The following THSD7A variants were observed in gnomAD, a reference collection of about 807,000 sequenced individuals.
THSD7A encodes thrombospondin type-1 domain-containing protein 7A.
In THSD7A, 96 loss-of-function variants were observed where a neutral mutation model predicts 231.3. The ratio of observed to expected loss-of-function variants is 0.41; its 90% CI spans 0.35 to 0.49. The LOEUF is 0.49. THSD7A is among the 20% of genes least tolerant of loss of function. THSD7A has a pLI of 0.05. For synonymous variants in THSD7A, 940 were observed against 743.3 expected, an observed-to-expected ratio of 1.26 and a Z score of -4.30; for missense variants, 2,290 against 2,070.2, an observed-to-expected ratio of 1.11 and a Z score of -2.06.
chr7:11,674,605 A>T (rs936194722), intron 1 of THSD7A, among the ~76,000 whole-genome samples: 3 of 152,180 alleles, frequency 2.0e-5, no homozygotes, highest in Admixed American at 2.0e-4. Context: ...CCCTCTGAAG[A>T]CACAAAGACA....
At chr7:11,546,226 A>ACACACG (rs1554335305) in intron 4 of THSD7A, among the ~76,000 whole-genome samples, 9 of 150,774 alleles carry the variant, frequency 6.0e-5, no homozygotes, top group Admixed American at 2.6e-4. Context: ...ACACACACAC[A>ACACACG]CACACGTGGA....
intron 1 of THSD7A, among the ~76,000 whole-genome samples, chr7:11,653,456 G>A (rs950610304): frequency 9.7e-6 from 1 of 103,260 alleles, no homozygotes; most frequent in African/African-American, 4.0e-5. Flanking sequence ...ATATGTGTGT[G>A]TGTGTGTGTG....
intron 9 of THSD7A, among the ~76,000 whole-genome samples, chr7:11,462,458 CTAAT>C (rs1785541960): frequency 1.3e-5 from 2 of 152,254 alleles, no homozygotes; most frequent in South Asian, 4.1e-4. Context: ...TATGACAGAT[CTAAT>C]TAATTTATTT....
chr7:11,640,521 C>G (rs1308778329), intron 1 of THSD7A, among the ~76,000 whole-genome samples: 1 of 151,996 alleles, frequency 6.6e-6, no homozygotes, highest in Non-Finnish European at 1.5e-5. Flanking sequence ...ACCTTGAGAA[C>G]CTCTAATTTC....
At chr7:11,769,137 A>ATTTTT (rs1313840996) in intron 1 of THSD7A, among the ~76,000 whole-genome samples, 1 of 36,636 alleles carries the variant, frequency 2.7e-5, no homozygotes, top group East Asian at 4.9e-4. Context: ...ATATATATAT[A>ATTTTT]TATATATATA....
intron 16 of THSD7A, among the ~76,000 whole-genome samples, chr7:11,422,598 C>CAA (rs5882308): frequency 0.056 from 5,491 of 97,760 alleles, 227 homozygotes; most frequent in African/African-American, 0.11. Flanking sequence ...ATTTACAAAG[C>CAA]AAAAAAAAAA....
At chr7:11,551,233 T>G (rs1426508033) in intron 4 of THSD7A, among the ~76,000 whole-genome samples, 1 of 151,910 alleles carries the variant, frequency 6.6e-6, no homozygotes, top group Non-Finnish European at 1.5e-5. Context: ...TCTAATACTA[T>G]AAAACTCTAG....
At chr7:11,467,606 T>G (rs1228528975) in intron 9 of THSD7A, among the ~76,000 whole-genome samples, 7 of 152,180 alleles carry the variant, frequency 4.6e-5, no homozygotes, top group African/African-American at 1.7e-4. Context: ...AAGTGCTTTA[T>G]GTGAGTTATC....
At chr7:11,396,249 G>C (rs1396940745) in intron 23 of THSD7A, among the ~76,000 whole-genome samples, 2 of 152,070 alleles carry the variant, frequency 1.3e-5, no homozygotes, top group Non-Finnish European at 2.9e-5. Context: ...AGAGAAGCAA[G>C]AGTAAATTCA....
At chr7:11,608,513 A>G (rs900675025) in intron 2 of THSD7A, among the ~76,000 whole-genome samples, 2 of 152,186 alleles carry the variant, frequency 1.3e-5, no homozygotes, top group African/African-American at 4.8e-5. Flanking sequence ...ATTGGGTTAC[A>G]TTAACGTTCA....
intron 1 of THSD7A, among the ~76,000 whole-genome samples, chr7:11,818,196 T>C (rs919051555): frequency 2.0e-5 from 3 of 152,226 alleles, no homozygotes; most frequent in African/African-American, 7.2e-5. Context: ...GCTAGCGCTA[T>C]AATAGCCCAA....
intron 4 of THSD7A, among the ~76,000 whole-genome samples, chr7:11,548,256 A>T (rs1789481355): frequency 6.6e-6 from 1 of 152,156 alleles, no homozygotes; most frequent in Non-Finnish European, 1.5e-5. Flanking sequence ...TAGAAAACTT[A>T]TAAGAAATGG....
chr7:11,546,202 G>GCGCGCA (rs761841418), intron 4 of THSD7A, among the ~76,000 whole-genome samples: 3 of 129,374 alleles, frequency 2.3e-5, no homozygotes, highest in Non-Finnish European at 5.0e-5. Flanking sequence ...GTGGGCGCGC[G>GCGCGCA]CTCACACACA....
chr7:11,698,543 T>C (rs1041722740), intron 1 of THSD7A, among the ~76,000 whole-genome samples: 2 of 151,398 alleles, frequency 1.3e-5, no homozygotes, highest in Non-Finnish European at 3.0e-5. Context: ...CAACTGGGCC[T>C]ACAGAAGCAA....
chr7:11,475,024 G>C (rs1786099853), intron 7 of THSD7A, among the ~76,000 whole-genome samples: 1 of 152,032 alleles, frequency 6.6e-6, no homozygotes, highest in African/African-American at 2.4e-5. Flanking sequence ...TATCTAAGTA[G>C]AAAAATAAAT....
At chr7:11,764,581 A>T (rs547938883) in intron 1 of THSD7A, among the ~76,000 whole-genome samples, 1 of 151,988 alleles carries the variant, frequency 6.6e-6, no homozygotes, top group East Asian at 1.9e-4. Context: ...AAAAAAAAAA[A>T]AAAAAAAGTA....
intron 16 of THSD7A, among the ~76,000 whole-genome samples, chr7:11,420,132 G>A (rs1201682462): frequency 3.3e-5 from 5 of 152,202 alleles, no homozygotes; most frequent in Admixed American, 6.5e-5. Context: ...CCATTTTCTG[G>A]GAAGGAATTC....
At chr7:11,827,116 A>G (rs980880721) in intron 1 of THSD7A, among the ~76,000 whole-genome samples, 1 of 152,092 alleles carries the variant, frequency 6.6e-6, no homozygotes, top group South Asian at 2.1e-4. Context: ...CAATCCTTCC[A>G]CCTTGACCTC....
intron 9 of THSD7A, among the ~76,000 whole-genome samples, chr7:11,466,811 A>G (rs535460887): frequency 3.3e-5 from 5 of 152,112 alleles, no homozygotes; most frequent in African/African-American, 7.2e-5. Context: ...CATCTCAGGA[A>G]CACCAGGAGA....
Sources: gnomAD v4.1 joint callset for allele counts (sites outside exome capture counted in the v4.1 genomes callset) on GRCh38, gnomAD v4.1.1 for gene constraint, MANE v1.5 for transcripts, NCBI Gene and HGNC (gene_info 2026-07-23, HGNC 2026-07-21) for gene names.